The following MYO1E variants were observed in gnomAD, a reference collection of about 807,000 sequenced individuals.
The protein encoded by MYO1E is unconventional myosin-Ie.
A neutral mutation model predicts 151.1 loss-of-function variants in MYO1E; 68 were observed. That is an observed-to-expected ratio of 0.45 (90% CI 0.37 to 0.55). MYO1E has a LOEUF of 0.55. MYO1E is among the 20% of genes least tolerant of loss of function. The probability of loss-of-function intolerance (pLI) is 0.00; values close to 1 mark genes in which losing one functional copy is unlikely to be tolerated. For missense variants in MYO1E, 1,363 were observed against 1,389.3 expected (o/e 0.98, Z 0.30); for synonymous variants, 601 against 501.7 (o/e 1.20, Z -2.64).
intron 14 of MYO1E, chr15:59,207,372 A>AGGATTTTCTTG: frequency 6.2e-7 from 1 of 1,614,096 alleles, no homozygotes; most frequent in Non-Finnish European, 8.5e-7. Flanking sequence ...TGATTATCAC[A>AGGATTTTCTTG]GCAGGTGCAC....
At chr15:59,289,909 T>C in intron 1 of MYO1E, among the ~76,000 whole-genome samples, 1 of 152,320 alleles carries the variant, frequency 6.6e-6, no homozygotes, top group African/African-American at 2.4e-5. Context: ...TACTTACTTC[T>C]CATTGTATCT....
chr15:59,212,454 G>C (rs2079885109), intron 12 of MYO1E, among the ~76,000 whole-genome samples: 2 of 152,084 alleles, frequency 1.3e-5, no homozygotes, highest in African/African-American at 4.8e-5. Flanking sequence ...CCTTTGATGT[G>C]TGTAATGGCT....
chr15:59,309,208 T>G (rs2080534819), intron 1 of MYO1E, among the ~76,000 whole-genome samples: 1 of 152,202 alleles, frequency 6.6e-6, no homozygotes, highest in Admixed American at 6.5e-5. Flanking sequence ...ATGCACTAGC[T>G]CTGAGCCCGG....
In MYO1E at chr15:59,294,430, T is replaced by C. The variant is rs558726575; in HGVS notation, c.4-21981A>G. Among the ~76,000 whole-genome samples the C allele has an allele frequency of 2.6e-5, 4 of 152,332 alleles. No individual in the cohort carries two copies. In the East Asian group the frequency reaches 7.7e-4, roughly 29 times the overall value. On this transcript the variant is annotated intron_variant, in intron 1 of 27. Transcript: ENST00000288235. ...CCAAATAGATTTGGACAAAGGAGCA[T>C]TCCTTATTCCCAAATGTCCTACCCA...
intron 4 of MYO1E, among the ~76,000 whole-genome samples, chr15:59,253,815 T>C (rs982560646): frequency 5.9e-5 from 9 of 151,656 alleles, no homozygotes; most frequent in Non-Finnish European, 1.5e-5. Flanking sequence ...ACAGAAAATG[T>C]AGGGGACAAT....
intron 1 of MYO1E, among the ~76,000 whole-genome samples, chr15:59,361,741 C>G (rs2080886468): frequency 6.6e-6 from 1 of 152,144 alleles, no homozygotes; most frequent in South Asian, 2.1e-4. Flanking sequence ...TAAAACATTA[C>G]TGACTCAGTC....
intron 5 of MYO1E, among the ~76,000 whole-genome samples, chr15:59,235,201 T>A (rs1421452879): frequency 1.3e-5 from 2 of 152,234 alleles, no homozygotes; most frequent in African/African-American, 4.8e-5. Flanking sequence ...TCCTTTAAAA[T>A]TTTTATAAGT....
intron 18 of MYO1E, among the ~76,000 whole-genome samples, chr15:59,181,161 C>T (rs1383573528): frequency 2.0e-5 from 3 of 152,178 alleles, no homozygotes; most frequent in African/African-American, 7.2e-5. Flanking sequence ...CCTATTCCTC[C>T]TTCTCTCTTG....
chr15:59,214,571 A>G, intron 11 of MYO1E, 69 bp downstream of exon 11: 1 of 1,361,922 alleles, frequency 7.3e-7, no homozygotes, highest in South Asian at 1.2e-5. Flanking sequence ...CATTGCCTAG[A>G]ATTATTTCTT....
chr15:59,323,991 A>C (rs1054543621), intron 1 of MYO1E, among the ~76,000 whole-genome samples: 42 of 152,196 alleles, frequency 2.8e-4, no homozygotes, highest in African/African-American at 9.6e-4. Context: ...AAAAAAAAAA[A>C]CAAAAACGGA....
In MYO1E at chr15:59,315,547, A is replaced by AT. The variant is rs34251724; in HGVS notation, c.4-43099dup. On this transcript the variant is annotated intron_variant, in intron 1 of 27. Coordinates refer to ENST00000288235, the MANE Select transcript of MYO1E (RefSeq NM_004998.4). ...TTGCACATGTACCCTAGAACTAAAA[A>AT]TTAAAAAAAAAAAAAAAAAGTCTAG... is the stretch of plus-strand genomic sequence containing the variant. 9.7e-3 allele frequency among the ~76,000 whole-genome samples: 1,422 copies of AT among 146,590 alleles called. 22 individuals are homozygous for AT. Among genetic ancestry groups the AT allele is most frequent in the African/African-American group, 0.035 (1,287 of 36,978 alleles).
At chr15:59,170,978 T>G (rs932937501) in intron 22 of MYO1E, among the ~76,000 whole-genome samples, 1 of 152,198 alleles carries the variant, frequency 6.6e-6, no homozygotes, top group South Asian at 2.1e-4. Flanking sequence ...ACATCTTTAA[T>G]GCAAAGGCCC....
At chr15:59,310,482 T>G (rs1179675849) in intron 1 of MYO1E, among the ~76,000 whole-genome samples, 1 of 151,988 alleles carries the variant, frequency 6.6e-6, no homozygotes, top group Non-Finnish European at 1.5e-5. Flanking sequence ...GAAGGTCATG[T>G]GATGATGGAG....
chr15:59,369,347 AAT>A (rs1192689420), intron 1 of MYO1E, among the ~76,000 whole-genome samples: 1 of 152,210 alleles, frequency 6.6e-6, no homozygotes, highest in East Asian at 1.9e-4. Context: ...GATTTGCTCA[AAT>A]ATTTCTGTAT....
In MYO1E at chr15:59,209,076, T is replaced by C. The variant is rs949156486; in HGVS notation, c.1363-228A>G. On this transcript the variant is annotated intron_variant, in intron 13 of 27. Transcript: ENST00000288235. ...CTTTCCAAAAAGCTGTTTAACTCCC[T>C]GAAGTTTTATCCAAGAGTCATGCAC... The C allele has an allele frequency of 1.0e-5, 6 of 594,912 alleles. No individual in the cohort carries two copies. The East Asian group carries it at 1.8e-4, about 17-fold the overall frequency. 36.9% of individuals were successfully genotyped at this position (594,912 alleles called of 1,614,324 possible). A position where few individuals can be genotyped will look rare whatever the true frequency, so the allele number is the denominator to read the frequency against.
At chr15:59,325,559 AT>A (rs1412641074) in intron 1 of MYO1E, among the ~76,000 whole-genome samples, 4 of 152,246 alleles carry the variant, frequency 2.6e-5, no homozygotes, top group Admixed American at 2.6e-4. Flanking sequence ...CCAATAACAC[AT>A]CTTTTAAACA....
rs1221467026 is a variant in MYO1E, at chr15:59,139,436, CTTCA to C, written c.3081-1073_3081-1070del. ...TACTCCTCACACTTCCCTCCCACCC[CTTCA>C]TTATTACTCCTCACTTTCCTTTCAC... On this transcript the variant is annotated intron_variant, in intron 26 of 27. Transcript: ENST00000288235. Among the ~76,000 whole-genome samples the C allele has an allele frequency of 2.7e-5, 4 of 150,530 alleles. No homozygotes were observed. In the South Asian group the frequency reaches 6.4e-4, roughly 24 times the overall value.
At position 59,332,720 on chromosome 15, in the gene MYO1E, T is replaced by C. The variant is rs141470019; in HGVS notation, c.3+39778A>G. The stretch of plus-strand genomic sequence containing the variant: ...TTGACTTTGCTGGCGCTCTATTTTT[T>C]TTTTTAATTTAATTTTTTAGAGACG... On this transcript the variant is annotated intron_variant, in intron 1 of 27. Transcript: ENST00000288235. Among the ~76,000 whole-genome samples, 522 of 152,290 alleles carry C rather than the reference T, an allele frequency of 3.4e-3. 2 individuals are homozygous for C. Among genetic ancestry groups the C allele is most frequent in the Non-Finnish European group, 3.9e-3 (264 of 68,028 alleles).
At chr15:59,190,725 G>T (rs183500877) in intron 17 of MYO1E, among the ~76,000 whole-genome samples, 1 of 152,280 alleles carries the variant, frequency 6.6e-6, no homozygotes, top group African/African-American at 2.4e-5. Flanking sequence ...ATTTCTAGAC[G>T]AGTACTTTCT....
Sources: allele counts gnomAD v4.1 joint callset (sites outside exome capture counted in the v4.1 genomes callset), GRCh38; gene constraint gnomAD v4.1.1; transcripts MANE v1.5; gene names NCBI Gene and HGNC (gene_info 2026-07-23, HGNC 2026-07-21).